Variants in ATG7 observed in about 807,000 individuals in gnomAD.
ATG7 encodes autophagy related 7.
In ATG7, 70 loss-of-function variants were observed where a neutral mutation model predicts 82.4. The ratio of observed to expected loss-of-function variants is 0.85; its 90% CI spans 0.70 to 1.04. The LOEUF (loss-of-function observed/expected upper bound fraction) is 1.04. ATG7 is among the 50% of genes least tolerant of loss of function. ATG7 has a pLI of 0.00. For missense variants in ATG7, 792 were observed against 864.3 expected (o/e 0.92, Z 1.05); for synonymous variants, 287 against 313.0 (o/e 0.92, Z 0.88).
chr3:11,372,964 T>A (rs1037148957), intron 18 of ATG7, among the ~76,000 whole-genome samples: 3 of 151,422 alleles, frequency 2.0e-5, no homozygotes, highest in Non-Finnish European at 2.9e-5. Context: ...GATAATTTTT[T>A]AAAAAATAGG....
chr3:11,474,876 G>C (rs1243469861), intron 20 of ATG7, among the ~76,000 whole-genome samples: 1 of 152,126 alleles, frequency 6.6e-6, no homozygotes, highest in East Asian at 1.9e-4. Flanking sequence ...TGGGAGTGGG[G>C]GGCCGGAGCC....
At chr3:11,559,547 C>T, downstream of ATG7, 2 of 1,418,212 alleles carry the variant, frequency 1.4e-6, no homozygotes, top group Non-Finnish European at 9.2e-7. Flanking sequence ...AGGCTCTGTC[C>T]TGGTGCCCTT....
At chr3:11,461,754 C>T (rs1022158184) in intron 20 of ATG7, among the ~76,000 whole-genome samples, 2 of 151,966 alleles carry the variant, frequency 1.3e-5, no homozygotes, top group Non-Finnish European at 2.9e-5. Context: ...GGGCCGGGCG[C>T]AGTGGCTCAC....
intron 16 of ATG7, among the ~76,000 whole-genome samples, chr3:11,361,878 C>T (rs1029135925): frequency 6.6e-6 from 1 of 152,190 alleles, no homozygotes; most frequent in Non-Finnish European, 1.5e-5. Context: ...TAACGATTTC[C>T]AGTGAAACAA....
chr3:11,411,353 C>T (rs1026631430), intron 19 of ATG7, among the ~76,000 whole-genome samples: 20 of 152,028 alleles, frequency 1.3e-4, no homozygotes, highest in African/African-American at 2.9e-4. Flanking sequence ...GGGCTGGGCA[C>T]GGTGGCTCAT....
Position 11,538,641 on chromosome 3 carries a change from G to A in ATG7, c.2080-16170G>A, listed in dbSNP as rs370071054. Among the ~76,000 whole-genome samples, 17 of 123,680 alleles carry A rather than the reference G, an allele frequency of 1.4e-4. No individual in the cohort carries two copies. The South Asian group carries it at 4.3e-3, about 31-fold the overall frequency. The allele number at this position is 123,680 out of a possible 152,430, so 81.1% of individuals were successfully genotyped here. ...GCAGGTTGCTGAAGCCCAGGAGTTC[G>A]AGACCACCCTGGTCAGTGTGATGAA... On this transcript the variant is annotated intron_variant, in intron 20 of 20. Transcript: ENST00000693202.
At chr3:11,562,873 G>A in the ATG7 span, among the ~76,000 whole-genome samples, 1 of 152,204 alleles carries the variant, frequency 6.6e-6, no homozygotes, top group Admixed American at 6.5e-5. Flanking sequence ...ATATAGCTGG[G>A]GGGTCGAGGT....
chr3:11,315,589 G>T, intron 9 of ATG7, 96 bp downstream of exon 9: 1 of 1,113,184 alleles, frequency 9.0e-7, no homozygotes, highest in Non-Finnish European at 1.2e-6. Context: ...AACTTGTTTA[G>T]ATTTCCTTAG....
chr3:11,562,395 C>T (rs977202650), downstream of ATG7, among the ~76,000 whole-genome samples: 1 of 152,160 alleles, frequency 6.6e-6, no homozygotes, highest in East Asian at 1.9e-4. Context: ...TTCTGCCACA[C>T]AGAGGAAGGC....
intron 19 of ATG7, among the ~76,000 whole-genome samples, chr3:11,413,262 G>A (rs1038463710): frequency 2.6e-5 from 4 of 152,096 alleles, no homozygotes; most frequent in Non-Finnish European, 4.4e-5. Context: ...GAGAGAAAGC[G>A]TTCCTTCTTT....
chr3:11,316,514 A>G (rs1949434316), intron 9 of ATG7, among the ~76,000 whole-genome samples: 1 of 152,334 alleles, frequency 6.6e-6, no homozygotes, highest in Middle Eastern at 3.4e-3. Flanking sequence ...TGGTGTGGCC[A>G]TATATGATCT....
intron 20 of ATG7, among the ~76,000 whole-genome samples, chr3:11,546,265 G>C (rs578038909): frequency 7.1e-6 from 1 of 141,014 alleles, no homozygotes; most frequent in Non-Finnish European, 1.5e-5. Flanking sequence ...TCTTCCTTCC[G>C]GGTTCAAGCA....
chr3:11,508,120 T>A (rs1050915921), intron 20 of ATG7, among the ~76,000 whole-genome samples: 1 of 152,104 alleles, frequency 6.6e-6, no homozygotes, highest in Admixed American at 6.5e-5. Context: ...CTGTTTACTC[T>A]CCGACACTTT....
chr3:11,335,283 G>C (rs1261601107), intron 11 of ATG7, among the ~76,000 whole-genome samples: 1 of 152,024 alleles, frequency 6.6e-6, no homozygotes, highest in East Asian at 1.9e-4. Context: ...CTTAAAGATA[G>C]TCGCAGGGGT....
At chr3:11,451,472 A>G (rs1304687884) in intron 20 of ATG7, among the ~76,000 whole-genome samples, 1 of 152,138 alleles carries the variant, frequency 6.6e-6, no homozygotes, top group African/African-American at 2.4e-5. Flanking sequence ...TGGCCTCCCA[A>G]AGTGAAAGTC....
At chr3:11,334,953 CAAAAAAA>C (rs57211483) in intron 11 of ATG7, among the ~76,000 whole-genome samples, 67,974 of 119,792 alleles carry the variant, frequency 0.57, 17,744 homozygotes, top group East Asian at 0.65. Flanking sequence ...GACTCTGTCT[CAAAAAAA>C]AAAAAAAAAA....
chr3:11,511,436 A>C (rs1194537142), intron 20 of ATG7, among the ~76,000 whole-genome samples: 3 of 152,204 alleles, frequency 2.0e-5, no homozygotes, highest in Non-Finnish European at 4.4e-5. Flanking sequence ...ACAAACCTTG[A>C]GCTAAACACA....
chr3:11,276,294 G>C (rs2152621355), intron 1 of ATG7, among the ~76,000 whole-genome samples: 1 of 152,240 alleles, frequency 6.6e-6, no homozygotes, highest in Non-Finnish European at 1.5e-5. Flanking sequence ...TGAAAGAAAT[G>C]GTGTTTTAAG....
At chr3:11,317,950 T>C (rs535430280) in intron 9 of ATG7, among the ~76,000 whole-genome samples, 1 of 152,368 alleles carries the variant, frequency 6.6e-6, no homozygotes, top group East Asian at 1.9e-4. Flanking sequence ...AACTTTTCTT[T>C]GTATTAGTTT....
Sources: allele counts gnomAD v4.1 joint callset (sites outside exome capture counted in the v4.1 genomes callset), GRCh38; gene constraint gnomAD v4.1.1; transcripts MANE v1.5; gene names NCBI Gene and HGNC (gene_info 2026-07-23, HGNC 2026-07-21).